ALG9: variants seen among roughly 807,000 people sequenced by gnomAD.
ALG9 encodes the protein alpha-1,2-mannosyltransferase ALG9.
Under a neutral mutation model 81.8 loss-of-function variants are expected in ALG9, and 55 were observed. The observed-to-expected ratio is 0.67, with a 90% CI of 0.54 to 0.84. The LOEUF (loss-of-function observed/expected upper bound fraction) is 0.84, where lower values mean the gene tolerates loss of function less well. Among genes scored for constraint, ALG9 ranks in the 40% least tolerant of loss-of-function variants. The pLI is 0.00. For missense variants in ALG9, 629 were observed against 745.0 expected, an observed-to-expected ratio of 0.84 and a Z score of 1.81; for synonymous variants, 278 against 274.3, an observed-to-expected ratio of 1.01 and a Z score of -0.13.
At chr11:111,844,776 T>C (rs1274717406) in intron 8 of ALG9, 53 bp from the exon 9 acceptor site, 1 of 1,586,154 alleles carries the variant, frequency 6.3e-7, no homozygotes. Flanking sequence ...TAACACCTAT[T>C]ACGGTGCTTG....
At chr11:111,831,511 A>AAAAC (rs544548560) in intron 13 of ALG9, among the ~76,000 whole-genome samples, 1 of 152,208 alleles carries the variant, frequency 6.6e-6, no homozygotes, top group African/African-American at 2.4e-5. Flanking sequence ...AAAACAAAAC[A>AAAAC]AAACAAACAA....
intron 4 of ALG9, 57 bp downstream of exon 4, chr11:111,865,124 T>C (rs1961901933): frequency 7.5e-7 from 1 of 1,326,970 alleles, no homozygotes; most frequent in East Asian, 2.5e-5. Flanking sequence ...CAACAGATAA[T>C]CTATGCAATA....
chr11:111,810,891 T>C (rs1420566010), intron 13 of ALG9, among the ~76,000 whole-genome samples: 3 of 152,246 alleles, frequency 2.0e-5, no homozygotes, highest in African/African-American at 7.2e-5. Flanking sequence ...TAAAAGCTTT[T>C]CCTTTGGGAT....
chr11:111,870,175 A>G, intron 2 of ALG9, 57 bp downstream of exon 2: 1 of 1,566,958 alleles, frequency 6.4e-7, no homozygotes, highest in Non-Finnish European at 8.6e-7. Flanking sequence ...TCGATTGGTA[A>G]TAACACCTAT....
intron 8 of ALG9, among the ~76,000 whole-genome samples, chr11:111,852,390 CTGG>C (rs1957965045): frequency 6.6e-6 from 1 of 152,172 alleles, no homozygotes; most frequent in Non-Finnish European, 1.5e-5. Context: ...ATGAAACTGG[CTGG>C]TGGAGTGAAA....
At chr11:111,772,420 A>G in the ALG9 span, among the ~76,000 whole-genome samples, 1 of 152,220 alleles carries the variant, frequency 6.6e-6, no homozygotes, top group African/African-American at 2.4e-5. Flanking sequence ...AGCAAGAAAA[A>G]AGAAAAAGAA....
At chr11:111,799,304 G>A (rs1948754591) in intron 14 of ALG9, among the ~76,000 whole-genome samples, 1 of 152,028 alleles carries the variant, frequency 6.6e-6, no homozygotes, top group Non-Finnish European at 1.5e-5. Flanking sequence ...GCACCACCAC[G>A]CCCAGCTAAT....
rs1555118939 is a variant in ALG9, at chr11:111,837,637, GAGAGCC to G, written c.1325-28_1325-23del. On this transcript the variant is annotated intron_variant, in intron 11 of 14. Transcript: ENST00000616540. ...TATCCTGGAAGGGAGAACAGTTAGT[GAGAGCC>G]AGAGATGAGTAAGATGAGATTCTCA... is the stretch of plus-strand genomic sequence containing the variant. 2.5e-6 allele frequency: 4 copies of G among 1,612,838 alleles called. No individual in the cohort carries two copies. The South Asian group carries it at 4.4e-5, about 18-fold the overall frequency.
At chr11:111,773,296 G>A in the ALG9 span, among the ~76,000 whole-genome samples, 34 of 152,044 alleles carry the variant, frequency 2.2e-4, no homozygotes, top group African/African-American at 8.2e-4. Context: ...CCAGGCTGTA[G>A]TACAATGGGG....
rs1565848342 is a variant in ALG9 at position 111,820,948 on chromosome 11, A to AC, written c.1603-11176_1603-11175insG. Among the ~76,000 whole-genome samples the AC allele has an allele frequency of 4.1e-5, 6 of 144,690 alleles. No individual in the cohort carries two copies. The South Asian group carries it at 1.1e-3, about 27-fold the overall frequency. 94.9% of individuals were successfully genotyped at this position (144,690 alleles called of 152,430 possible). ...CACACACACACACACACACACACAC[A>AC]AGCCAGGTATGGTGGTGTGCACCTG... On this transcript the variant is annotated intron_variant, in intron 13 of 14. Coordinates refer to ENST00000616540, the MANE Select transcript of ALG9 (RefSeq NM_024740.2).
chr11:111,807,203 T>C (rs1555086016), intron 14 of ALG9, among the ~76,000 whole-genome samples: 1 of 152,210 alleles, frequency 6.6e-6, no homozygotes, highest in Non-Finnish European at 1.5e-5. Context: ...TGGCTCCCCA[T>C]TTAATTGAGA....
rs1302758024 is a variant in ALG9 at position 111,838,107 on chromosome 11, CATTAAT to C, written c.1324+136_1324+141del. ...TAAGATACAGAAGTCATATGCCACT[CATTAAT>C]ATTAAGTCTACAGGTTCTCTTTTTA... On this transcript the variant is annotated intron_variant, in intron 11 of 14. Coordinates refer to ENST00000616540, the MANE Select transcript of ALG9 (RefSeq NM_024740.2). The C allele has an allele frequency of 3.4e-5, 29 of 851,622 alleles. No individual in the cohort carries two copies. The African/African-American group carries it at 4.3e-4, about 13-fold the overall frequency. 52.8% of individuals were successfully genotyped at this position (851,622 alleles called of 1,614,324 possible).
chr11:111,821,714 C>A (rs891418428), intron 13 of ALG9, among the ~76,000 whole-genome samples: 3 of 151,958 alleles, frequency 2.0e-5, no homozygotes, highest in Admixed American at 6.6e-5. Flanking sequence ...CGGCTCACTG[C>A]AAGCTCCACC....
chr11:111,840,288 C>T lies in ALG9; in HGVS notation c.1173+367G>A, dbSNP rs537737993. 3.9e-5 allele frequency among the ~76,000 whole-genome samples: 6 copies of T among 152,168 alleles called. No individual in the cohort carries two copies. The South Asian group carries it at 8.3e-4, about 21-fold the overall frequency. On this transcript the variant is annotated intron_variant, in intron 10 of 14. Coordinates refer to ENST00000616540, the MANE Select transcript of ALG9 (RefSeq NM_024740.2). ...GGTTTTCAACCAGGATTACAAAGTG[C>T]CCCATACTGTGAACTGCCTGCTGTG... is the stretch of plus-strand genomic sequence containing the variant.
At chr11:111,838,450 C>T (rs1456573452) in intron 10 of ALG9, 51 bp from the exon 11 acceptor site, 21 of 1,515,422 alleles carry the variant, frequency 1.4e-5, no homozygotes, top group African/African-American at 2.8e-5. Flanking sequence ...CAAGACATCA[C>T]AGTAACATCA....
intron 8 of ALG9, chr11:111,845,436 G>A (rs1956813656): frequency 2.0e-5 from 3 of 152,200 alleles, no homozygotes; most frequent in African/African-American, 7.2e-5. Flanking sequence ...CGCGTACATT[G>A]GGCAACATGT....
At chr11:111,775,701 C>T in the ALG9 span, among the ~76,000 whole-genome samples, 420 of 151,872 alleles carry the variant, frequency 2.8e-3, 3 homozygotes, top group African/African-American at 9.7e-3. Flanking sequence ...ATAGTGAGAC[C>T]CCATCTCTAA....
chr11:111,830,159 T>C (rs1227353431), intron 13 of ALG9, among the ~76,000 whole-genome samples: 1 of 152,242 alleles, frequency 6.6e-6, no homozygotes, highest in Admixed American at 6.5e-5. Flanking sequence ...CTCTTGCCAC[T>C]ATCAAATAGC....
At position 111,790,280 on chromosome 11, in the gene ALG9, T is replaced by C. The variant is rs565998622; in HGVS notation, c.1734-3760A>G. Among the ~76,000 whole-genome samples the C allele has an allele frequency of 3.3e-5, 5 of 151,044 alleles. No individual in the cohort carries two copies. The South Asian group carries it at 1.1e-3, about 32-fold the overall frequency. On this transcript the variant is annotated intron_variant, in intron 14 of 14. Coordinates refer to ENST00000616540, the MANE Select transcript of ALG9 (RefSeq NM_024740.2). ...AGATGGAGCTTGTAGTAAACCAAGA[T>C]TGCGCCACTGCACTCCAGCCTGGGT... is the stretch of plus-strand genomic sequence containing the variant.
Sources: gnomAD v4.1 joint callset for allele counts (sites outside exome capture counted in the v4.1 genomes callset) on GRCh38, gnomAD v4.1.1 for gene constraint, MANE v1.5 for transcripts, NCBI Gene and HGNC (gene_info 2026-07-23, HGNC 2026-07-21) for gene names.